The following ZNF253 variants were observed in gnomAD, a reference collection of about 807,000 sequenced individuals.
ZNF253 encodes the protein DNA-binding protein.
ZNF253 carries 8 observed loss-of-function variants against 11.9 expected under a neutral mutation model. That is an observed-to-expected ratio of 0.67 (90% CI 0.40 to 1.22). ZNF253 has a LOEUF of 1.22. ZNF253 is among the 50% of genes most tolerant of loss of function. The pLI, the probability that ZNF253 is intolerant of heterozygous loss-of-function variation, is 0.01. For synonymous variants in ZNF253, 194 were observed against 194.9 expected, an observed-to-expected ratio of 1.00 and a Z score of 0.04; for missense variants, 485 against 586.9, an observed-to-expected ratio of 0.83 and a Z score of 1.79.
At chr19:19,872,222 A>G (rs1193352032) in intron 1 of ZNF253, among the ~76,000 whole-genome samples, 2 of 152,100 alleles carry the variant, frequency 1.3e-5, no homozygotes, top group East Asian at 3.9e-4. Flanking sequence ...AGATGTGTAG[A>G]CAAGAATCTC....
intron 2 of ZNF253, among the ~76,000 whole-genome samples, chr19:19,879,818 C>T (rs1396201271): frequency 6.6e-6 from 1 of 152,070 alleles, no homozygotes; most frequent in Non-Finnish European, 1.5e-5. Context: ...ATTGTTGCCC[C>T]ACCTGAAAAT....
Position 19,893,141 on chromosome 19 carries a change from C to A in ZNF253, c.*394C>A. The A allele has an allele frequency of 5.8e-6, 1 of 172,366 alleles. No individual in the cohort carries two copies. Among genetic ancestry groups the A allele is most frequent in the Non-Finnish European group, 1.2e-5 (1 of 80,408 alleles). The allele number at this position is 172,366 out of a possible 1,614,324, so 10.7% of individuals were successfully genotyped here. On this transcript the variant is annotated 3_prime_UTR_variant, in exon 4 of 4. Coordinates refer to ENST00000589717, the MANE Select transcript of ZNF253 (RefSeq NM_021047.3). The stretch of plus-strand genomic sequence containing the variant: ...TACAGGTGCCCAACACCACGCCTGG[C>A]TAATTTTTGGATTTTTAGTAGAGAT...
chr19:19,868,850 TA>T (rs57953618), intron 1 of ZNF253, among the ~76,000 whole-genome samples: 23,168 of 152,016 alleles, frequency 0.15, 4,015 homozygotes, highest in African/African-American at 0.42. Flanking sequence ...ATAAAAAGCT[TA>T]AAAAATATTT....
intron 3 of ZNF253, among the ~76,000 whole-genome samples, chr19:19,882,395 G>A (rs2063181637): frequency 6.6e-6 from 1 of 152,088 alleles, no homozygotes; most frequent in Non-Finnish European, 1.5e-5. Flanking sequence ...TTGGTCACAA[G>A]GCTGCTGGGT....
At chr19:19,879,667 T>A (rs975525240) in intron 2 of ZNF253, among the ~76,000 whole-genome samples, 1 of 152,186 alleles carries the variant, frequency 6.6e-6, no homozygotes, top group Non-Finnish European at 1.5e-5. Context: ...AAAAAGAATC[T>A]GTAGTATCTC....
chr19:19,880,004 T>C, intron 2 of ZNF253, 47 bp from the exon 3 acceptor site: 2 of 1,380,114 alleles, frequency 1.4e-6, no homozygotes. Context: ...TAGCTTGTAA[T>C]GGGAGTATAT....
At position 19,892,720 on chromosome 19, in the gene ZNF253, T is replaced by A; in HGVS notation, c.1473T>A (p.Val491=). Residue 491 remains valine, a synonymous_variant, in exon 4 of 4, where the codon GTT becomes GTA. Coordinates refer to ENST00000589717, the MANE Select transcript of ZNF253 (RefSeq NM_021047.3). ...AGAATGTGACAGATCTTTTAAATGT[T>A]CCTCCACTTTTAATTAGCATAAGAT... is the stretch of plus-strand genomic sequence containing the variant. ...IVKNVTDLLN[V]PPLLISIR 6.3e-7 allele frequency: 1 copy of A among 1,595,694 alleles called. No individual in the cohort carries two copies. Among genetic ancestry groups the A allele is most frequent in the Non-Finnish European group, 8.5e-7 (1 of 1,172,808 alleles).
In ZNF253 at chr19:19,884,664, A is replaced by G. The variant is rs1373683524; in HGVS notation, c.226+4518A>G. ...TATGATTACAGGCTTGAGCCACTAC[A>G]CTTCGCCTGTGTTATGTATTTTAGA... On this transcript the variant is annotated intron_variant, in intron 3 of 3. Coordinates refer to ENST00000589717, the MANE Select transcript of ZNF253 (RefSeq NM_021047.3). Among the ~76,000 whole-genome samples, 4 of 152,146 alleles carry G rather than the reference A, an allele frequency of 2.6e-5. No homozygotes were observed. In the South Asian group the frequency reaches 8.3e-4, roughly 32 times the overall value.
intron 3 of ZNF253, among the ~76,000 whole-genome samples, chr19:19,885,259 CTTT>C (rs2063195954): frequency 1.6e-5 from 1 of 62,254 alleles, no homozygotes; most frequent in African/African-American, 1.9e-4. Flanking sequence ...TTCTTTCTTT[CTTT>C]CTTTCTTTCT....
chr19:19,874,768 C>T (rs922331441), intron 1 of ZNF253, among the ~76,000 whole-genome samples: 2 of 151,832 alleles, frequency 1.3e-5, no homozygotes, highest in East Asian at 1.9e-4. Flanking sequence ...AAAAATTAGC[C>T]GGGCGTGGTG....
At chr19:19,884,121 C>T (rs1389153369) in intron 3 of ZNF253, among the ~76,000 whole-genome samples, 1 of 150,374 alleles carries the variant, frequency 6.7e-6, no homozygotes, top group African/African-American at 2.4e-5. Flanking sequence ...AATTTTGTTA[C>T]TGGTTTAATT....
At chr19:19,867,667 C>A (rs188134228) in intron 1 of ZNF253, among the ~76,000 whole-genome samples, 1 of 152,364 alleles carries the variant, frequency 6.6e-6, no homozygotes, top group Admixed American at 6.5e-5. Context: ...CCGCATCTGA[C>A]CATACCGTGT....
chr19:19,886,813 T>G (rs1017134096), intron 3 of ZNF253, among the ~76,000 whole-genome samples: 1 of 152,356 alleles, frequency 6.6e-6, no homozygotes, highest in African/African-American at 2.4e-5. Context: ...TTCCTCTATA[T>G]GCAAAATAAT....
intron 1 of ZNF253, 86 bp from the exon 2 acceptor site, chr19:19,878,395 C>G: frequency 1.9e-6 from 3 of 1,605,656 alleles, no homozygotes; most frequent in East Asian, 2.2e-5. Context: ...AGAACCAGTT[C>G]TCTTTACTCT....
chr19:19,865,900 G>T lies in ZNF253; in HGVS notation c.-97G>T, dbSNP rs542342870. ...GCTCCAGGTTTATCCTCAGTGTTCT[G>T]TGTCCTGTGCTTATAGAGGCCCGTC... is the stretch of plus-strand genomic sequence containing the variant. On this transcript the variant is annotated 5_prime_UTR_variant, in exon 1 of 4. Transcript: ENST00000589717. 1.3e-4 allele frequency: 197 copies of T among 1,473,898 alleles called. 2 individuals are homozygous for T. The South Asian group carries it at 2.2e-3, about 16-fold the overall frequency. 91.3% of individuals were successfully genotyped at this position (1,473,898 alleles called of 1,614,324 possible). A position where few individuals can be genotyped will look rare whatever the true frequency, so the allele number is the denominator to read the frequency against.
At chr19:19,883,957 T>A (rs2063188312) in intron 3 of ZNF253, among the ~76,000 whole-genome samples, 1 of 150,568 alleles carries the variant, frequency 6.6e-6, no homozygotes, top group Admixed American at 6.7e-5. Flanking sequence ...CTCGGGAGGC[T>A]GAGATAGGAA....
At chr19:19,874,571 T>G (rs1287547504) in intron 1 of ZNF253, among the ~76,000 whole-genome samples, 1 of 151,250 alleles carries the variant, frequency 6.6e-6, no homozygotes, top group Non-Finnish European at 1.5e-5. Flanking sequence ...AATTGCATAG[T>G]AGTGTATAGT....
chr19:19,880,496 G>C (rs1218059869), intron 3 of ZNF253, among the ~76,000 whole-genome samples: 2 of 152,080 alleles, frequency 1.3e-5, no homozygotes, highest in East Asian at 3.9e-4. Context: ...CGGGAGGTCA[G>C]AAGTTCGTGA....
intron 3 of ZNF253, among the ~76,000 whole-genome samples, chr19:19,889,196 TAA>T (rs773025519): frequency 6.6e-6 from 1 of 151,820 alleles, no homozygotes; most frequent in African/African-American, 2.4e-5. Context: ...AAGAAATTTT[TAA>T]GTTATTTTTA....
Sources: gnomAD v4.1 joint callset for allele counts (sites outside exome capture counted in the v4.1 genomes callset) on GRCh38, gnomAD v4.1.1 for gene constraint, MANE v1.5 for transcripts, NCBI Gene and HGNC (gene_info 2026-07-23, HGNC 2026-07-21) for gene names.